The following STAU2 variants were observed in gnomAD, a reference collection of about 807,000 sequenced individuals.
STAU2 encodes staufen double-stranded RNA binding protein 2.
In STAU2, 20 loss-of-function variants were observed where a neutral mutation model predicts 65.9. The ratio of observed to expected loss-of-function variants is 0.30; its 90% confidence interval spans 0.21 to 0.44. The LOEUF (loss-of-function observed/expected upper bound fraction) is 0.44, where lower values mean the gene tolerates loss of function less well. STAU2 is among the 20% of genes least tolerant of loss of function. STAU2 has a pLI of 1.00. For missense variants in STAU2, 558 were observed against 683.9 expected, an observed-to-expected ratio of 0.82 and a Z score of 2.05; for synonymous variants, 232 against 233.9, an observed-to-expected ratio of 0.99 and a Z score of 0.07.
chr8:73,584,110 G>A (rs564020672), intron 11 of STAU2, among the ~76,000 whole-genome samples: 2 of 152,284 alleles, frequency 1.3e-5, no homozygotes, highest in South Asian at 4.1e-4. Flanking sequence ...GCAGACAGCA[G>A]AAGCAAAACT....
intron 13 of STAU2, among the ~76,000 whole-genome samples, chr8:73,544,330 GTC>G (rs1806751362): frequency 6.6e-6 from 1 of 152,090 alleles, no homozygotes; most frequent in Non-Finnish European, 1.5e-5. Flanking sequence ...TATCAAGTCT[GTC>G]TCTTTCTTGT....
At chr8:73,678,207 A>C (rs1818147313) in intron 5 of STAU2, among the ~76,000 whole-genome samples, 1 of 152,206 alleles carries the variant, frequency 6.6e-6, no homozygotes, top group East Asian at 1.9e-4. Context: ...ACTCCTTTAA[A>C]TGCATCATGC....
At chr8:73,720,151 C>CA (rs1821537436) in intron 3 of STAU2, among the ~76,000 whole-genome samples, 4 of 151,898 alleles carry the variant, frequency 2.6e-5, no homozygotes, top group African/African-American at 7.3e-5. Flanking sequence ...GGCATGGTAG[C>CA]ATGTGCCTGA....
At chr8:73,673,046 G>T (rs138877950) in intron 6 of STAU2, 61 bp downstream of exon 6, 2 of 1,398,158 alleles carry the variant, frequency 1.4e-6, no homozygotes, top group Admixed American at 5.1e-5. Flanking sequence ...TTGAGTGTGA[G>T]AAACTTTTAT....
At chr8:73,717,427 TTGAG>T (rs745761125) in intron 3 of STAU2, among the ~76,000 whole-genome samples, 12 of 152,216 alleles carry the variant, frequency 7.9e-5, no homozygotes, top group Non-Finnish European at 1.5e-4. Context: ...AGAAGCCATT[TTGAG>T]TTAGTTTTCC....
At chr8:73,466,774 C>G (rs1308000148) in intron 13 of STAU2, among the ~76,000 whole-genome samples, 1 of 152,248 alleles carries the variant, frequency 6.6e-6, no homozygotes, top group East Asian at 1.9e-4. Context: ...AAGCCCTCCA[C>G]TGACTCGCCA....
chr8:73,571,990 GAT>G (rs1420018987), intron 12 of STAU2, among the ~76,000 whole-genome samples: 1 of 152,106 alleles, frequency 6.6e-6, no homozygotes, highest in Non-Finnish European at 1.5e-5. Flanking sequence ...CAACAAAATT[GAT>G]AGACCGCTAG....
intron 6 of STAU2, among the ~76,000 whole-genome samples, chr8:73,671,685 A>G (rs73332805): frequency 1.6e-4 from 25 of 152,314 alleles, no homozygotes; most frequent in African/African-American, 5.8e-4. Context: ...ATAGACATAC[A>G]TTTATATACC....
intron 10 of STAU2, among the ~76,000 whole-genome samples, chr8:73,598,400 T>C (rs988412858): frequency 1.4e-4 from 21 of 152,190 alleles, no homozygotes; most frequent in Non-Finnish European, 2.5e-4. Context: ...GCTAATTTTT[T>C]GTATTTACAG....
chr8:73,460,285 T>C (rs1819286622), intron 13 of STAU2, among the ~76,000 whole-genome samples: 1 of 152,208 alleles, frequency 6.6e-6, no homozygotes, highest in Admixed American at 6.5e-5. Flanking sequence ...GTTGTTGTTT[T>C]GACTAAAGTG....
intron 13 of STAU2, among the ~76,000 whole-genome samples, chr8:73,472,005 G>A (rs762574006): frequency 4.6e-5 from 7 of 152,028 alleles, no homozygotes; most frequent in Admixed American, 1.3e-4. Context: ...ACATACCTAC[G>A]TTGTTTGAGC....
chr8:73,512,512 T>C (rs543535183), intron 13 of STAU2, among the ~76,000 whole-genome samples: 2 of 152,346 alleles, frequency 1.3e-5, no homozygotes, highest in South Asian at 4.1e-4. Flanking sequence ...GATGCTACTG[T>C]GAATGAAATG....
chr8:73,532,873 G>C (rs1409574633), intron 13 of STAU2, among the ~76,000 whole-genome samples: 2 of 152,096 alleles, frequency 1.3e-5, no homozygotes, highest in East Asian at 3.9e-4. Context: ...CCTATGACCT[G>C]TAAGCCACGC....
intron 13 of STAU2, chr8:73,551,782 A>C (rs1807349670): frequency 8.4e-7 from 1 of 1,192,636 alleles, no homozygotes; most frequent in South Asian, 4.0e-5. Flanking sequence ...AGAAGAAGGA[A>C]AATGGAGAAG....
At chr8:73,743,146 C>T (rs1253674852) in intron 1 of STAU2, among the ~76,000 whole-genome samples, 1 of 151,708 alleles carries the variant, frequency 6.6e-6, no homozygotes, top group Non-Finnish European at 1.5e-5. Context: ...CCCAAAAACA[C>T]TGCTTTTATG....
chr8:73,547,348 AT>A lies in STAU2; in HGVS notation c.1530+4663del, dbSNP rs11431659. Among the ~76,000 whole-genome samples the A allele has an allele frequency of 7.3e-5, 11 of 150,422 alleles. No homozygotes were observed. In the South Asian group the frequency reaches 1.3e-3, roughly 17 times the overall value. On this transcript the variant is annotated intron_variant, in intron 13 of 14. Transcript: ENST00000524300. ...CAGGATTTCTTTCTTCAAACATAGT[AT>A]TTTTTTTTTACAGGGTTTAAAATTT...
At chr8:73,500,785 C>A (rs1821703329) in intron 13 of STAU2, among the ~76,000 whole-genome samples, 1 of 151,680 alleles carries the variant, frequency 6.6e-6, no homozygotes, top group Non-Finnish European at 1.5e-5. Context: ...TATTATTTTA[C>A]CTCAGAATAT....
At chr8:73,597,461 T>C (rs1489060434) in intron 10 of STAU2, among the ~76,000 whole-genome samples, 1 of 150,016 alleles carries the variant, frequency 6.7e-6, no homozygotes, top group African/African-American at 2.5e-5. Flanking sequence ...GGAGGCCAGG[T>C]TGGCCAACAT....
At chr8:73,630,834 T>TG (rs1814040723) in intron 6 of STAU2, among the ~76,000 whole-genome samples, 4 of 152,200 alleles carry the variant, frequency 2.6e-5, no homozygotes, top group Non-Finnish European at 4.4e-5. Flanking sequence ...CCATCAGCCT[T>TG]CTTTGATATT....
Sources: allele counts gnomAD v4.1 joint callset (sites outside exome capture counted in the v4.1 genomes callset), GRCh38; gene constraint gnomAD v4.1.1; transcripts MANE v1.5; gene names NCBI Gene and HGNC (gene_info 2026-07-23, HGNC 2026-07-21).